ACTR3B: variants seen among roughly 807,000 people sequenced by gnomAD.
The protein encoded by ACTR3B is actin related protein 3B, also known as actin-related protein 3B.
A neutral mutation model predicts 59.0 loss-of-function variants in ACTR3B; 8 were observed. The ratio of observed to expected loss-of-function variants is 0.14; its 90% CI spans 0.08 to 0.24. ACTR3B has a LOEUF of 0.24. ACTR3B is among the 10% of genes least tolerant of loss of function. ACTR3B has a pLI of 1.00. For synonymous variants in ACTR3B, 148 were observed against 197.9 expected (o/e 0.75, Z 2.12); for missense variants, 245 against 552.3 (o/e 0.44, Z 5.58).
intron 1 of ACTR3B, among the ~76,000 whole-genome samples, chr7:152,774,357 A>G (rs565528270): frequency 6.6e-6 from 1 of 151,966 alleles, no homozygotes; most frequent in South Asian, 2.1e-4. Context: ...CCTGGTCTCG[A>G]ACTCCCGACC....
At chr7:152,796,393 C>T (rs574094891) in intron 2 of ACTR3B, among the ~76,000 whole-genome samples, 8 of 150,492 alleles carry the variant, frequency 5.3e-5, no homozygotes, top group African/African-American at 1.9e-4. Flanking sequence ...TGTTCAGTTC[C>T]GCCAGTCACA....
At chr7:152,787,103 G>A (rs1037063658) in intron 2 of ACTR3B, among the ~76,000 whole-genome samples, 3 of 152,120 alleles carry the variant, frequency 2.0e-5, no homozygotes, top group Non-Finnish European at 1.5e-5. Flanking sequence ...ATTAGGTATT[G>A]CCACGTTACT....
intron 9 of ACTR3B, among the ~76,000 whole-genome samples, chr7:152,825,367 A>C (rs1236051486): frequency 6.6e-6 from 1 of 152,184 alleles, no homozygotes; most frequent in Admixed American, 6.5e-5. Flanking sequence ...GCTGGAGTGC[A>C]GTGGTGCGAT....
At chr7:152,804,590 A>G (rs371071726) in intron 4 of ACTR3B, among the ~76,000 whole-genome samples, 1 of 152,176 alleles carries the variant, frequency 6.6e-6, no homozygotes, top group East Asian at 1.9e-4. Flanking sequence ...TGAGAATGGC[A>G]GGAGTGGGTG....
chr7:152,779,209 T>A (rs1366592062), intron 1 of ACTR3B, among the ~76,000 whole-genome samples: 1 of 152,058 alleles, frequency 6.6e-6, no homozygotes, highest in Admixed American at 6.5e-5. Context: ...CGAGGGGTGT[T>A]AAGAACACAG....
chr7:152,767,252 A>G (rs959960501), intron 1 of ACTR3B, among the ~76,000 whole-genome samples: 18 of 152,174 alleles, frequency 1.2e-4, no homozygotes, highest in Admixed American at 4.6e-4. Context: ...ATTTATGGAA[A>G]AAACCCAATG....
At chr7:152,845,262 T>C (rs1037732714) in intron 9 of ACTR3B, among the ~76,000 whole-genome samples, 1 of 152,156 alleles carries the variant, frequency 6.6e-6, no homozygotes, top group Non-Finnish European at 1.5e-5. Context: ...GCCCTTTTTC[T>C]GTCTCTCCTG....
intron 1 of ACTR3B, among the ~76,000 whole-genome samples, chr7:152,771,126 G>T (rs1440185243): frequency 6.6e-6 from 1 of 151,542 alleles, no homozygotes; most frequent in Non-Finnish European, 1.5e-5. Flanking sequence ...ACCATGCCTG[G>T]CTAATTTTTG....
intron 4 of ACTR3B, among the ~76,000 whole-genome samples, chr7:152,809,646 A>G (rs190902193): frequency 0.03 from 4,605 of 152,022 alleles, 101 homozygotes; most frequent in Middle Eastern, 0.11. Context: ...GGTTCAAGCA[A>G]TTCCCCTGCC....
intron 1 of ACTR3B, among the ~76,000 whole-genome samples, chr7:152,779,030 T>C (rs2098143511): frequency 6.9e-6 from 1 of 145,080 alleles, no homozygotes; most frequent in Non-Finnish European, 1.5e-5. Flanking sequence ...AGTATTAAAC[T>C]TCAGTATTAT....
chr7:152,843,062 TAGTA>T (rs1797990263), intron 9 of ACTR3B, among the ~76,000 whole-genome samples: 1 of 152,248 alleles, frequency 6.6e-6, no homozygotes, highest in South Asian at 2.1e-4. Flanking sequence ...GACAACTCAA[TAGTA>T]AGAGTTCTTC....
chr7:152,777,811 C>T (rs1478301057), intron 1 of ACTR3B, among the ~76,000 whole-genome samples: 10 of 152,074 alleles, frequency 6.6e-5, no homozygotes, highest in African/African-American at 1.2e-4. Context: ...ATTAGCCGGG[C>T]GTGGTGGTGC....
intron 10 of ACTR3B, 63 bp from the exon 11 acceptor site, chr7:152,853,431 G>A (rs1014363367): frequency 5.2e-5 from 79 of 1,505,744 alleles, no homozygotes; most frequent in Non-Finnish European, 7.0e-5. Flanking sequence ...TCGTCAGCCG[G>A]GGGATGATTA....
intron 5 of ACTR3B, among the ~76,000 whole-genome samples, chr7:152,815,597 G>A (rs1241146771): frequency 3.3e-5 from 5 of 152,186 alleles, no homozygotes; most frequent in Non-Finnish European, 5.9e-5. Context: ...GGGCGCCGCC[G>A]TGTGCATTGC....
intron 1 of ACTR3B, among the ~76,000 whole-genome samples, chr7:152,768,766 G>A (rs113683295): frequency 0.03 from 4,493 of 151,020 alleles, 96 homozygotes; most frequent in Middle Eastern, 0.1. Flanking sequence ...ATGAGCCACC[G>A]CGCCTGGCTA....
At chr7:152,851,766 C>G (rs9986710) in intron 9 of ACTR3B, among the ~76,000 whole-genome samples, 119,365 of 152,074 alleles carry the variant, frequency 0.78, 47,070 homozygotes, top group African/African-American at 0.84. Context: ...TTAAGGCGGA[C>G]CAGGGGAGAG....
At chr7:152,807,200 A>G (rs192863664) in intron 4 of ACTR3B, among the ~76,000 whole-genome samples, 1 of 152,300 alleles carries the variant, frequency 6.6e-6, no homozygotes, top group African/African-American at 2.4e-5. Context: ...CCCCTTCACT[A>G]CAGTAGAATT....
chr7:152,807,992 C>T (rs2098257731), intron 4 of ACTR3B, among the ~76,000 whole-genome samples: 1 of 152,214 alleles, frequency 6.6e-6, no homozygotes, highest in Admixed American at 6.5e-5. Flanking sequence ...GCCTTTTCAT[C>T]TTCCCAAACT....
intron 5 of ACTR3B, among the ~76,000 whole-genome samples, chr7:152,815,812 T>C (rs35723732): frequency 2.0e-5 from 3 of 152,224 alleles, no homozygotes. Flanking sequence ...TTTAAACAAC[T>C]CCACAAGTGA....
Sources: gnomAD v4.1 joint callset for allele counts (sites outside exome capture counted in the v4.1 genomes callset) on GRCh38, gnomAD v4.1.1 for gene constraint, MANE v1.5 for transcripts, NCBI Gene and HGNC (gene_info 2026-07-23, HGNC 2026-07-21) for gene names.